The following CTNNA3 variants were observed in gnomAD, a reference collection of about 807,000 sequenced individuals.
The protein encoded by CTNNA3 is catenin alpha-3.
Under a neutral mutation model 95.7 loss-of-function variants are expected in CTNNA3, and 76 were observed. The observed-to-expected ratio is 0.79, with a 90% CI of 0.66 to 0.96. CTNNA3 has a LOEUF of 0.96. CTNNA3 is among the 40% of genes least tolerant of loss of function. The pLI, the probability that CTNNA3 is intolerant of heterozygous loss-of-function variation, is 0.00. For synonymous variants in CTNNA3, 431 were observed against 374.4 expected (o/e 1.15, Z -1.74); for missense variants, 1,191 against 1,089.8 (o/e 1.09, Z -1.31).
chr10:66,420,692 G>A (rs969617215), intron 11 of CTNNA3, among the ~76,000 whole-genome samples: 4 of 151,946 alleles, frequency 2.6e-5, no homozygotes, highest in African/African-American at 9.7e-5. Context: ...CCAGCTACTT[G>A]GGAGGCTGAG....
chr10:66,017,854 T>A (rs77130177), intron 15 of CTNNA3, among the ~76,000 whole-genome samples: 1,909 of 152,218 alleles, frequency 0.013, 30 homozygotes, highest in African/African-American at 0.044. Flanking sequence ...GCTGTTTGGT[T>A]CTAATCATCT....
intron 11 of CTNNA3, among the ~76,000 whole-genome samples, chr10:66,417,806 T>G (rs2132619193): frequency 6.6e-6 from 1 of 151,876 alleles, no homozygotes; most frequent in African/African-American, 2.4e-5. Flanking sequence ...ATTTAAAAAT[T>G]TTGAAACTAA....
intron 1 of CTNNA3, among the ~76,000 whole-genome samples, chr10:67,743,752 C>G (rs1277781695): frequency 6.6e-6 from 1 of 151,018 alleles, no homozygotes; most frequent in Non-Finnish European, 1.5e-5. Context: ...TCTAGAAAAC[C>G]CCACTATCTC....
intron 1 of CTNNA3, among the ~76,000 whole-genome samples, chr10:67,747,826 C>T (rs1026762168): frequency 6.6e-6 from 1 of 152,138 alleles, no homozygotes. Context: ...ACCAAAGGAG[C>T]ATGTCCTAAC....
chr10:65,913,282 A>G lies in CTNNA3; in HGVS notation c.*7048T>C, dbSNP rs986976746. 6.6e-6 allele frequency: 1 copy of G among 152,186 alleles called. No individual in the cohort carries two copies. The highest frequency in any genetic ancestry group is 1.5e-5 in the Non-Finnish European group (1 of 68,040). 9.4% of individuals were successfully genotyped at this position (152,186 alleles called of 1,614,324 possible). A position where few individuals can be genotyped will look rare whatever the true frequency, so the allele number is the denominator to read the frequency against. ...AAATGGAAAACAGGGGCATCTGGAA[A>G]TCTTTCTCTAGAAGTTTTAATTCAT... On this transcript the variant is annotated 3_prime_UTR_variant, in exon 18 of 18. Coordinates refer to ENST00000433211, the MANE Select transcript of CTNNA3 (RefSeq NM_013266.4).
chr10:67,050,060 C>A (rs771313705), intron 7 of CTNNA3, among the ~76,000 whole-genome samples: 41 of 152,144 alleles, frequency 2.7e-4, no homozygotes, highest in Non-Finnish European at 5.0e-4. Flanking sequence ...GCTAGGCATG[C>A]ACAAATTTCA....
intron 2 of CTNNA3, among the ~76,000 whole-genome samples, chr10:67,626,773 T>C (rs1018636771): frequency 4.7e-5 from 7 of 147,952 alleles, no homozygotes; most frequent in Non-Finnish European, 7.4e-5. Flanking sequence ...GTGTTGTATG[T>C]TGTGTCTACA....
intron 1 of CTNNA3, among the ~76,000 whole-genome samples, chr10:67,684,793 A>C (rs571963745): frequency 1.3e-5 from 2 of 152,358 alleles, no homozygotes; most frequent in East Asian, 3.9e-4. Flanking sequence ...GAGGTTAAAA[A>C]TACAGGGCCC....
intron 13 of CTNNA3, among the ~76,000 whole-genome samples, chr10:66,272,802 C>T (rs921086501): frequency 3.2e-4 from 49 of 152,308 alleles, no homozygotes; most frequent in African/African-American, 1.2e-3. Flanking sequence ...TAATACTACA[C>T]TGCCCCCAAC....
chr10:66,177,567 T>A (rs2085781186), intron 13 of CTNNA3, among the ~76,000 whole-genome samples: 1 of 152,062 alleles, frequency 6.6e-6, no homozygotes, highest in Non-Finnish European at 1.5e-5. Context: ...AATGATTTTT[T>A]AAAAATGAGC....
At chr10:66,426,430 T>C (rs2093241965) in intron 11 of CTNNA3, among the ~76,000 whole-genome samples, 1 of 152,116 alleles carries the variant, frequency 6.6e-6, no homozygotes, top group African/African-American at 2.4e-5. Context: ...TTTACTCTTC[T>C]TGCTGAAGAA....
chr10:67,160,178 A>C (rs546379132), intron 7 of CTNNA3, among the ~76,000 whole-genome samples: 1 of 152,274 alleles, frequency 6.6e-6, no homozygotes, highest in African/African-American at 2.4e-5. Flanking sequence ...ATTACCTTAC[A>C]TCTGTTAGGA....
At chr10:67,116,742 A>ATC (rs1859210163) in intron 7 of CTNNA3, among the ~76,000 whole-genome samples, 1 of 146,646 alleles carries the variant, frequency 6.8e-6, no homozygotes, top group Non-Finnish European at 1.5e-5. Flanking sequence ...ATATATATAT[A>ATC]TAATATATAA....
chr10:67,386,072 C>G (rs1844149522), intron 5 of CTNNA3, among the ~76,000 whole-genome samples: 1 of 152,138 alleles, frequency 6.6e-6, no homozygotes, highest in Non-Finnish European at 1.5e-5. Context: ...AAAAGGCACT[C>G]AGAAACTATA....
chr10:66,516,990 A>G (rs1279573249), intron 11 of CTNNA3, among the ~76,000 whole-genome samples: 3 of 152,090 alleles, frequency 2.0e-5, no homozygotes, highest in Non-Finnish European at 2.9e-5. Flanking sequence ...TGAGAGGTCA[A>G]GGCGGGTGGA....
chr10:67,539,615 G>A lies in CTNNA3; in HGVS notation c.347C>T (p.Pro116Leu). 2.5e-6 allele frequency: 4 copies of A among 1,613,712 alleles called. No homozygotes were observed. The highest frequency in any genetic ancestry group is 3.4e-6 in the Non-Finnish European group (4 of 1,179,768). ...ERFTDDPCFLPKREAVVQAAR... is the reference protein window; with the variant it reads ...ERFTDDPCFLLKREAVVQAAR... Reference sequence around the variant, plus strand: ...AGCTTGAACCACAGCCTCCCTTTTTGGGAGAAAACAGGGGTCATCTGTAAA... The same window carrying A: ...AGCTTGAACCACAGCCTCCCTTTTTAGGAGAAAACAGGGGTCATCTGTAAA... The change falls in exon 4 of 18, where the codon CCA becomes CTA. Residue 116 changes from proline (P) to leucine (L), a missense_variant. Physicochemically the swap from Pro to Leu is moderately conservative, Grantham distance 98. Transcript: ENST00000433211.
chr10:67,340,756 G>A (rs1206337297), intron 5 of CTNNA3, among the ~76,000 whole-genome samples: 1 of 152,162 alleles, frequency 6.6e-6, no homozygotes, highest in Non-Finnish European at 1.5e-5. Context: ...ATAAGATGTG[G>A]CTTAAAATAA....
Position 66,875,450 on chromosome 10 carries a change from TC to T in CTNNA3, c.1048-99927del, listed in dbSNP as rs528711496. 4.1e-3 allele frequency among the ~76,000 whole-genome samples: 615 copies of T among 151,516 alleles called. 4 individuals carry two copies. Among genetic ancestry groups the T allele is most frequent in the African/African-American group, 0.014 (577 of 41,350 alleles). ...TAGCAGAAAACAGGGAAAATATCAG[TC>T]AACCAGTTCCAAATCATTCAATAGT... On this transcript the variant is annotated intron_variant, in intron 7 of 17. Transcript: ENST00000433211.
intron 11 of CTNNA3, among the ~76,000 whole-genome samples, chr10:66,435,095 C>T (rs142750909): frequency 0.015 from 2,316 of 151,750 alleles, 75 homozygotes; most frequent in African/African-American, 0.054. Flanking sequence ...CGGATATTGG[C>T]CTGAAATTTT....
Sources: gnomAD v4.1 joint callset for allele counts (sites outside exome capture counted in the v4.1 genomes callset) on GRCh38, gnomAD v4.1.1 for gene constraint, MANE v1.5 for transcripts, NCBI Gene and HGNC (gene_info 2026-07-23, HGNC 2026-07-21) for gene names.